ENTPD7: variants seen among roughly 807,000 people sequenced by gnomAD.
The protein encoded by ENTPD7 is ectonucleoside triphosphate diphosphohydrolase 7, also known as NTPDase 7.
In ENTPD7, 53 loss-of-function variants were observed where a neutral mutation model predicts 77.9. The ratio of observed to expected loss-of-function variants is 0.68; its 90% confidence interval spans 0.55 to 0.85. ENTPD7 has a LOEUF of 0.85. Ranked by LOEUF, ENTPD7 falls within the 40% of genes least tolerant of loss-of-function variation. The pLI, the probability that ENTPD7 is intolerant of heterozygous loss-of-function variation, is 0.00. For missense variants in ENTPD7, 636 were observed against 743.7 expected (o/e 0.86, Z 1.68); for synonymous variants, 248 against 274.9 (o/e 0.90, Z 0.97).
In ENTPD7 at chr10:99,698,860, T is replaced by G. The variant is rs1156890286; in HGVS notation, c.1335+2T>G. 1 of 1,586,050 alleles carries G rather than the reference T, an allele frequency of 6.3e-7. No homozygotes were observed. Among genetic ancestry groups the G allele is most frequent in the Non-Finnish European group, 8.6e-7 (1 of 1,165,816 alleles). On this transcript the variant is annotated splice_donor_variant, in intron 10 of 12. Transcript: ENST00000370489. LOFTEE classifies it high-confidence loss of function. ...CCAACATTTGCCAAGGCTGCTCAGG[T>G]AAATTATTAATGATAAACATGGCTT...
At chr10:99,685,977 C>A in intron 6 of ENTPD7, 82 bp downstream of exon 6, 1 of 829,742 alleles carries the variant, frequency 1.2e-6, no homozygotes, top group East Asian at 2.6e-5. Context: ...TAGAATTATT[C>A]TATATATCGG....
At chr10:99,675,732 GA>G (rs1315405221) in intron 3 of ENTPD7, among the ~76,000 whole-genome samples, 1 of 151,816 alleles carries the variant, frequency 6.6e-6, no homozygotes, top group Non-Finnish European at 1.5e-5. Flanking sequence ...GAGTAGCTGG[GA>G]CTACAGGCGC....
intron 2 of ENTPD7, among the ~76,000 whole-genome samples, chr10:99,660,921 C>CA (rs33958635): frequency 0.037 from 5,269 of 143,640 alleles, 247 homozygotes; most frequent in African/African-American, 0.12. Context: ...GACTCCATCT[C>CA]AAAAAAAAAA....
At chr10:99,685,542 T>C (rs1046649841) in intron 5 of ENTPD7, among the ~76,000 whole-genome samples, 1 of 152,202 alleles carries the variant, frequency 6.6e-6, no homozygotes, top group African/African-American at 2.4e-5. Context: ...TTTAACACTC[T>C]TTGAATAATA....
rs1312247227 is a variant in ENTPD7, at chr10:99,710,864, CTGAT to C, written c.*6183_*6186del. 4.1e-6 allele frequency: 4 copies of C among 985,244 alleles called. No homozygotes were observed. The African/African-American group carries it at 7.0e-5, about 17-fold the overall frequency. 61.0% of individuals were successfully genotyped at this position (985,244 alleles called of 1,614,324 possible). A position where few individuals can be genotyped will look rare whatever the true frequency, so the allele number is the denominator to read the frequency against. On this transcript the variant is annotated 3_prime_UTR_variant, in exon 13 of 13. Coordinates refer to ENST00000370489, the MANE Select transcript of ENTPD7 (RefSeq NM_020354.5). ...TTACAGACAAAAAATTCTAGGTTGA[CTGAT>C]TAAGAAAGCCATGTGTTTTAATTTC...
At chr10:99,698,452 T>G in intron 9 of ENTPD7, 82 bp from the exon 10 acceptor site, 1 of 1,344,676 alleles carries the variant, frequency 7.4e-7, no homozygotes, top group Non-Finnish European at 1.0e-6. Flanking sequence ...AAGATATTTC[T>G]GATGCACATT....
chr10:99,685,203 G>GCCGA (rs2035796988), intron 5 of ENTPD7, among the ~76,000 whole-genome samples: 1 of 152,200 alleles, frequency 6.6e-6, no homozygotes, highest in African/African-American at 2.4e-5. Flanking sequence ...GTTGCAGTGA[G>GCCGA]CCGAGATCAT....
At chr10:99,688,338 A>G (rs745801350) in intron 6 of ENTPD7, among the ~76,000 whole-genome samples, 2 of 152,226 alleles carry the variant, frequency 1.3e-5, no homozygotes, top group Non-Finnish European at 2.9e-5. Flanking sequence ...CATGCATTCT[A>G]TCTAGAGTTT....
intron 3 of ENTPD7, 113 bp downstream of exon 3, chr10:99,661,741 C>T: frequency 1.1e-6 from 1 of 922,648 alleles, no homozygotes; most frequent in Non-Finnish European, 1.5e-6. Flanking sequence ...AGTAAAATTG[C>T]ATGCCATTTA....
chr10:99,691,750 T>C (rs1208858318), intron 8 of ENTPD7, among the ~76,000 whole-genome samples: 1 of 152,212 alleles, frequency 6.6e-6, no homozygotes, highest in Non-Finnish European at 1.5e-5. Flanking sequence ...TAATACCATG[T>C]TTGTAAAGCA....
intron 11 of ENTPD7, 65 bp downstream of exon 11, chr10:99,701,123 A>C (rs898966625): frequency 7.8e-7 from 1 of 1,284,458 alleles, no homozygotes; most frequent in Non-Finnish European, 1.1e-6. Flanking sequence ...TATAATGGAG[A>C]GTGAGCAATA....
chr10:99,671,784 T>G (rs1162872165), intron 3 of ENTPD7, among the ~76,000 whole-genome samples: 1 of 152,248 alleles, frequency 6.6e-6, no homozygotes, highest in Non-Finnish European at 1.5e-5. Flanking sequence ...AACTATTGTC[T>G]GAAGAATGTC....
chr10:99,697,963 GC>G (rs1250328777), intron 9 of ENTPD7: 1 of 156,266 alleles, frequency 6.4e-6, no homozygotes, highest in Non-Finnish European at 1.4e-5. Context: ...GGGAATCAAA[GC>G]TTTCCAGTCT....
At chr10:99,665,930 A>G (rs1040807546) in intron 3 of ENTPD7, among the ~76,000 whole-genome samples, 1 of 152,098 alleles carries the variant, frequency 6.6e-6, no homozygotes, top group African/African-American at 2.4e-5. Context: ...AAATTTGGAG[A>G]CCTAAATCCA....
rs2036282067 is a variant in ENTPD7 at position 99,707,805 on chromosome 10, T to C, written c.*3122T>C. Among the ~76,000 whole-genome samples the C allele has an allele frequency of 6.6e-6, 1 of 152,232 alleles. No individual in the cohort carries two copies. Among genetic ancestry groups the C allele is most frequent in the Non-Finnish European group, 1.5e-5 (1 of 68,034 alleles). On this transcript the variant is annotated 3_prime_UTR_variant, in exon 13 of 13. Coordinates refer to ENST00000370489, the MANE Select transcript of ENTPD7 (RefSeq NM_020354.5). ...ATGTAAAATACCCATTTATGTGGCATTTCATTCACTTAAGTTGCAGTTAAC... is the reference window on the plus strand; with the variant it reads ...ATGTAAAATACCCATTTATGTGGCACTTCATTCACTTAAGTTGCAGTTAAC...
chr10:99,661,793 G>A (rs554528374), intron 3 of ENTPD7, among the ~76,000 whole-genome samples, 165 bp downstream of exon 3: 2 of 152,292 alleles, frequency 1.3e-5, no homozygotes, highest in East Asian at 3.9e-4. Flanking sequence ...GCAATATGCA[G>A]TTTGGTACAG....
intron 3 of ENTPD7, among the ~76,000 whole-genome samples, chr10:99,676,462 C>G (rs1474191927): frequency 2.0e-5 from 3 of 152,014 alleles, no homozygotes; most frequent in Non-Finnish European, 4.4e-5. Flanking sequence ...CAGAATCTTG[C>G]AAGAGACAAG....
At position 99,706,514 on chromosome 10, in the gene ENTPD7, AT is replaced by A. The variant is rs1186951861; in HGVS notation, c.*1838del. Among the ~76,000 whole-genome samples the A allele has an allele frequency of 1.6e-4, 1 of 6,340 alleles. No individual in the cohort carries two copies. Among genetic ancestry groups the A allele is most frequent in the African/African-American group, 3.7e-4 (1 of 2,732 alleles). 4.2% of individuals were successfully genotyped at this position (6,340 alleles called of 152,430 possible). A position where few individuals can be genotyped will look rare whatever the true frequency, so the allele number is the denominator to read the frequency against. On this transcript the variant is annotated 3_prime_UTR_variant, in exon 13 of 13. Transcript: ENST00000370489. ...CCACACTCAGCTAATTTTTTATTTT[AT>A]TTTTTTAGAGATGGAGTCTGTGTTG...
chr10:99,698,261 C>A (rs2036027914), intron 9 of ENTPD7, among the ~76,000 whole-genome samples: 1 of 152,218 alleles, frequency 6.6e-6, no homozygotes, highest in African/African-American at 2.4e-5. Flanking sequence ...TGGAGAACAG[C>A]AGATTCACAT....
Sources: allele counts gnomAD v4.1 joint callset (sites outside exome capture counted in the v4.1 genomes callset), GRCh38; gene constraint gnomAD v4.1.1; transcripts MANE v1.5; gene names NCBI Gene and HGNC (gene_info 2026-07-23, HGNC 2026-07-21).